Variants in RPF1 observed in about 807,000 individuals in gnomAD.
The protein encoded by RPF1 is ribosome production factor 1.
A neutral mutation model predicts 41.9 loss-of-function variants in RPF1; 34 were observed. The ratio of observed to expected loss-of-function variants is 0.81; its 90% CI spans 0.62 to 1.08. The LOEUF (loss-of-function observed/expected upper bound fraction) is 1.08. RPF1 is among the 50% of genes least tolerant of loss of function. The pLI, the probability that RPF1 is intolerant of heterozygous loss-of-function variation, is 0.00. For synonymous variants in RPF1, 140 were observed against 148.9 expected (o/e 0.94, Z 0.43); for missense variants, 425 against 435.2 (o/e 0.98, Z 0.21).
chr1:84,495,923 T>A lies in RPF1; in HGVS notation c.741T>A (p.Ile247=). 1 of 1,610,768 alleles carries A rather than the reference T, an allele frequency of 6.2e-7. No homozygotes were observed. The highest frequency in any genetic ancestry group is 8.5e-7 in the Non-Finnish European group (1 of 1,177,498). ...CCACAGAACACATACCTGAAATAAT[T>A]CTGAATAATTTTACAACACGGCTGG... ...KDPTEHIPEI[I]LNNFTTRLGH... Residue 247 remains isoleucine, a synonymous_variant, in exon 7 of 9, where the codon ATT becomes ATA. Coordinates refer to ENST00000370654, the MANE Select transcript of RPF1 (RefSeq NM_025065.7).
chr1:84,490,406 A>T lies in RPF1; in HGVS notation c.550A>T (p.Ile184Phe). ...AAGAGGACTGGCTCTGAAAAAAATTATTCCACAGTGCATCGCAAGAGATTT... is the reference window on the plus strand; with the variant it reads ...AAGAGGACTGGCTCTGAAAAAAATTTTTCCACAGTGCATCGCAAGAGATTT... ...YRRGLALKKI[I>F]PQCIARDFTD... Residue 184 changes from isoleucine (I) to phenylalanine (F), a missense_variant, in exon 5 of 9, where the codon ATT becomes TTT. Coordinates refer to ENST00000370654, the MANE Select transcript of RPF1 (RefSeq NM_025065.7). 6.2e-7 allele frequency: 1 copy of T among 1,612,352 alleles called. No individual in the cohort carries two copies. Among genetic ancestry groups the T allele is most frequent in the Non-Finnish European group, 8.5e-7 (1 of 1,179,148 alleles).
intron 1 of RPF1, 42 bp downstream of exon 1, chr1:84,479,551 C>G: frequency 1.3e-6 from 2 of 1,591,038 alleles, no homozygotes; most frequent in Middle Eastern, 1.7e-4. Context: ...GCGCGTTGTT[C>G]CTGACGCTTA....
chr1:84,479,623 C>A, intron 1 of RPF1, 114 bp downstream of exon 1: 1 of 1,009,406 alleles, frequency 9.9e-7, no homozygotes, highest in East Asian at 2.6e-5. Context: ...CTCTGTGGCT[C>A]CGTGGGAAGG....
intron 3 of RPF1, 30 bp from the exon 4 acceptor site, chr1:84,489,603 T>C (rs370306356): frequency 1.6e-6 from 2 of 1,231,892 alleles, no homozygotes; most frequent in South Asian, 2.4e-5. Flanking sequence ...ATTTCTTTGA[T>C]GTAAAATTAT....
intron 3 of RPF1, among the ~76,000 whole-genome samples, chr1:84,484,237 T>G (rs916544282): frequency 3.3e-5 from 5 of 152,182 alleles, no homozygotes; most frequent in African/African-American, 1.2e-4. Flanking sequence ...GTACATACCC[T>G]TCACCCAGAC....
At chr1:84,490,821 C>T (rs1026316762) in intron 5 of RPF1, among the ~76,000 whole-genome samples, 7 of 152,040 alleles carry the variant, frequency 4.6e-5, no homozygotes, top group Admixed American at 6.5e-5. Flanking sequence ...TAGTGGGGAC[C>T]CTGTGACTGG....
chr1:84,491,996 A>C (rs577786126), intron 5 of RPF1, among the ~76,000 whole-genome samples: 1 of 152,150 alleles, frequency 6.6e-6, no homozygotes, highest in African/African-American at 2.4e-5. Context: ...TCCCATCTCT[A>C]CTAAAAATAC....
intron 1 of RPF1, among the ~76,000 whole-genome samples, chr1:84,480,583 CA>C (rs1241468334): frequency 6.6e-6 from 1 of 152,168 alleles, no homozygotes; most frequent in African/African-American, 2.4e-5. Flanking sequence ...GAGAAGCAAG[CA>C]GCATAACCAT....
chr1:84,495,376 G>T lies in RPF1; in HGVS notation c.620G>T (p.Gly207Val). 7.1e-7 allele frequency: 1 copy of T among 1,399,420 alleles called. No homozygotes were observed. Among genetic ancestry groups the T allele is most frequent in the South Asian group, 1.2e-5 (1 of 82,476 alleles). The allele number at this position is 1,399,420 out of a possible 1,614,324, so 86.7% of individuals were successfully genotyped here. ...VINEDRKTPN[G>V]LILSHLPNGP... The stretch of plus-strand genomic sequence containing the variant: ...TTTTCTTAACTTTTATGAACAGATG[G>T]ACTTATTTTGAGTCACTTGCCAAAT... Residue 207 changes from glycine to valine, a missense_variant, in exon 6 of 9, where the codon GGA (glycine) becomes GTA (valine). Coordinates refer to ENST00000370654, the MANE Select transcript of RPF1 (RefSeq NM_025065.7).
intron 2 of RPF1, 135 bp from the exon 3 acceptor site, chr1:84,482,780 T>A: frequency 1.8e-6 from 1 of 564,722 alleles, no homozygotes; most frequent in Non-Finnish European, 3.2e-6. Context: ...TTAGAATTGA[T>A]GTAGCAATAG....
chr1:84,495,772 AAAT>A, intron 6 of RPF1, 107 bp from the exon 7 acceptor site: 1 of 684,082 alleles, frequency 1.5e-6, no homozygotes, highest in Non-Finnish European at 2.4e-6. Flanking sequence ...TGTCACTAAA[AAAT>A]ACATTTTGCA....
chr1:84,491,888 C>T (rs892520528), intron 5 of RPF1, among the ~76,000 whole-genome samples: 8 of 152,146 alleles, frequency 5.3e-5, no homozygotes, highest in African/African-American at 1.7e-4. Flanking sequence ...TGGCCGGATG[C>T]GGTGGCTCAC....
At position 84,480,996 on chromosome 1, in the gene RPF1, A is replaced by G; in HGVS notation, c.269A>G (p.Glu90Gly). The G allele has an allele frequency of 6.3e-7, 1 of 1,593,998 alleles. No homozygotes were observed. Among genetic ancestry groups the G allele is most frequent in the Non-Finnish European group, 8.6e-7 (1 of 1,165,064 alleles). Residue 90 changes from glutamate to glycine, a missense_variant, in exon 2 of 9, where the codon GAG becomes GGG. Physicochemically the swap from Glu to Gly is moderately conservative, Grantham distance 98. Coordinates refer to ENST00000370654, the MANE Select transcript of RPF1 (RefSeq NM_025065.7). ...AAGAAAAAACTTAAAAAAGAAAGAGAGGCTCTTGGCGATAAGGTAAATAAA... is the reference window on the plus strand; with the variant it reads ...AAGAAAAAACTTAAAAAAGAAAGAGGGGCTCTTGGCGATAAGGTAAATAAA... Reference protein sequence around the residue: ...AAKKKLKKEREALGDKAPPKP... With the variant: ...AAKKKLKKERGALGDKAPPKP...
intron 4 of RPF1, 102 bp from the exon 5 acceptor site, chr1:84,490,215 ATT>A (rs1644261533): frequency 1.4e-6 from 1 of 736,526 alleles, no homozygotes. Context: ...GTTGCTTTCT[ATT>A]AATCATAATA....
Position 84,495,355 on chromosome 1 carries a change from C to G in RPF1, c.617-18C>G, listed in dbSNP as rs1681913526. The G allele has an allele frequency of 8.2e-7, 1 of 1,223,088 alleles. No individual in the cohort carries two copies. The highest frequency in any genetic ancestry group is 1.2e-6 in the Non-Finnish European group (1 of 843,950). The allele number at this position is 1,223,088 out of a possible 1,614,324, so 75.8% of individuals were successfully genotyped here. On this transcript the variant is annotated intron_variant, in intron 5 of 8. Transcript: ENST00000370654. ...AGATTACAGAGTTCAATGTGTTTTTCTTAACTTTTATGAACAGATGGACTT... is the reference window on the plus strand; with the variant it reads ...AGATTACAGAGTTCAATGTGTTTTTGTTAACTTTTATGAACAGATGGACTT...
chr1:84,496,197 TAAAC>T, intron 7 of RPF1, 43 bp from the exon 8 acceptor site: 1 of 1,567,234 alleles, frequency 6.4e-7, no homozygotes, highest in South Asian at 1.1e-5. Flanking sequence ...GTCATAATGT[TAAAC>T]AATAGCTCAT....
intron 5 of RPF1, among the ~76,000 whole-genome samples, chr1:84,494,494 A>G (rs1169645078): frequency 6.6e-6 from 1 of 152,236 alleles, no homozygotes; most frequent in African/African-American, 2.4e-5. Context: ...AGAAAAGCAT[A>G]ATACAAAGTG....
At chr1:84,495,833 G>A in intron 6 of RPF1, 49 bp from the exon 7 acceptor site, 1 of 1,231,556 alleles carries the variant, frequency 8.1e-7, no homozygotes, top group South Asian at 1.5e-5. Flanking sequence ...GGGACGTATT[G>A]CCAATTAGCT....
chr1:84,493,314 C>T (rs1681866137), intron 5 of RPF1, among the ~76,000 whole-genome samples: 1 of 140,138 alleles, frequency 7.1e-6, no homozygotes, highest in African/African-American at 2.7e-5. Context: ...TAATCTGATG[C>T]ATGGTAGGCA....
Sources: gnomAD v4.1 joint callset for allele counts (sites outside exome capture counted in the v4.1 genomes callset) on GRCh38, gnomAD v4.1.1 for gene constraint, MANE v1.5 for transcripts, NCBI Gene and HGNC (gene_info 2026-07-23, HGNC 2026-07-21) for gene names.